The following MAGI2 variants were observed in gnomAD, a reference collection of about 807,000 sequenced individuals.
MAGI2 encodes membrane-associated guanylate kinase, WW and PDZ domain-containing protein 2.
Under a neutral mutation model 133.3 loss-of-function variants are expected in MAGI2, and 35 were observed. That is an observed-to-expected ratio of 0.26 (90% CI 0.20 to 0.35). The LOEUF (loss-of-function observed/expected upper bound fraction) is 0.35, where lower values mean the gene tolerates loss of function less well. MAGI2 is among the 10% of genes least tolerant of loss of function. The pLI is 1.00. For synonymous variants in MAGI2, 729 were observed against 710.6 expected, an observed-to-expected ratio of 1.03 and a Z score of -0.41; for missense variants, 1,636 against 1,863.4, an observed-to-expected ratio of 0.88 and a Z score of 2.25.
chr7:79,121,034 C>T (rs1019138311), intron 1 of MAGI2, among the ~76,000 whole-genome samples: 17 of 152,084 alleles, frequency 1.1e-4, no homozygotes, highest in Non-Finnish European at 7.4e-5. Context: ...ACCTCCTAAT[C>T]AGAGTAAATA....
chr7:78,653,591 A>C (rs1811808788), intron 2 of MAGI2, among the ~76,000 whole-genome samples: 1 of 152,056 alleles, frequency 6.6e-6, no homozygotes, highest in African/African-American at 2.4e-5. Flanking sequence ...TAATGAGAAC[A>C]CATGGACACA....
chr7:78,757,305 TTCTC>T (rs3086250), intron 2 of MAGI2, among the ~76,000 whole-genome samples: 29 of 145,386 alleles, frequency 2.0e-4, no homozygotes, highest in African/African-American at 5.1e-4. Flanking sequence ...TTCTCCCTCC[TTCTC>T]TCTCTCTCTC....
chr7:79,308,551 G>T (rs918814398), intron 1 of MAGI2, among the ~76,000 whole-genome samples: 1 of 152,146 alleles, frequency 6.6e-6, no homozygotes, highest in East Asian at 1.9e-4. Flanking sequence ...CTGGCAGAAA[G>T]GTATTCATGT....
chr7:78,315,750 T>C (rs1787347654), intron 9 of MAGI2, among the ~76,000 whole-genome samples: 1 of 152,232 alleles, frequency 6.6e-6, no homozygotes, highest in Admixed American at 6.5e-5. Context: ...ACTGTTCCAT[T>C]TCAACCTCGT....
At chr7:78,557,014 C>T (rs978612468) in intron 3 of MAGI2, among the ~76,000 whole-genome samples, 58 of 138,978 alleles carry the variant, frequency 4.2e-4, no homozygotes, top group African/African-American at 1.4e-3. Context: ...TGGTGTTAAT[C>T]GGGCAGATGG....
chr7:78,356,172 A>G (rs1792058191), intron 7 of MAGI2, among the ~76,000 whole-genome samples: 1 of 152,202 alleles, frequency 6.6e-6, no homozygotes, highest in South Asian at 2.1e-4. Flanking sequence ...GATAATGATA[A>G]TAAGGTGATT....
intron 20 of MAGI2, among the ~76,000 whole-genome samples, chr7:78,103,911 T>A (rs1818421631): frequency 6.6e-6 from 1 of 152,208 alleles, no homozygotes; most frequent in Non-Finnish European, 1.5e-5. Context: ...TCCACTCGAA[T>A]TTTCATTTTA....
intron 1 of MAGI2, among the ~76,000 whole-genome samples, chr7:79,038,598 A>G (rs1811333367): frequency 6.6e-6 from 1 of 152,166 alleles, no homozygotes; most frequent in South Asian, 2.1e-4. Flanking sequence ...GCAATCATGC[A>G]CCATTTTCTC....
chr7:79,290,629 T>A (rs577464698), intron 1 of MAGI2, among the ~76,000 whole-genome samples: 22 of 152,038 alleles, frequency 1.4e-4, no homozygotes, highest in Non-Finnish European at 3.1e-4. Context: ...TGGCCTTCAT[T>A]TTTTCTAATA....
chr7:78,039,807 G>A (rs1288727351), intron 21 of MAGI2, among the ~76,000 whole-genome samples: 1 of 152,198 alleles, frequency 6.6e-6, no homozygotes, highest in Non-Finnish European at 1.5e-5. Flanking sequence ...TTATGCTAGA[G>A]GAATTCAAAG....
At chr7:78,129,345 AGT>A (rs1205168524) in intron 18 of MAGI2, among the ~76,000 whole-genome samples, 1 of 152,078 alleles carries the variant, frequency 6.6e-6, no homozygotes, top group Non-Finnish European at 1.5e-5. Context: ...ATTTTTTATG[AGT>A]GTTGCTAACT....
At chr7:78,102,676 C>G (rs542648356) in intron 20 of MAGI2, among the ~76,000 whole-genome samples, 2 of 152,274 alleles carry the variant, frequency 1.3e-5, no homozygotes, top group South Asian at 4.1e-4. Flanking sequence ...TTAGGCTCAC[C>G]AAAAGGGCTA....
chr7:79,374,639 A>G (rs1327556946), intron 1 of MAGI2, among the ~76,000 whole-genome samples: 2 of 152,044 alleles, frequency 1.3e-5, no homozygotes, highest in East Asian at 1.9e-4. Flanking sequence ...TATAATGGCA[A>G]CTTATGGGAA....
At chr7:79,169,190 G>A (rs1460889909) in intron 1 of MAGI2, among the ~76,000 whole-genome samples, 2 of 151,864 alleles carry the variant, frequency 1.3e-5, no homozygotes, top group Non-Finnish European at 2.9e-5. Context: ...CTCCATAAAT[G>A]TTGGTATTCC....
At chr7:79,023,560 T>C (rs552124793) in intron 1 of MAGI2, among the ~76,000 whole-genome samples, 16 of 152,250 alleles carry the variant, frequency 1.1e-4, no homozygotes, top group South Asian at 2.1e-4. Flanking sequence ...TGTTTGTTGA[T>C]GATGTGATTC....
At chr7:79,167,705 T>G (rs1825084510) in intron 1 of MAGI2, among the ~76,000 whole-genome samples, 2 of 150,708 alleles carry the variant, frequency 1.3e-5, no homozygotes, top group South Asian at 4.1e-4. Flanking sequence ...GTGACACTTT[T>G]TTTTTAGGAA....
intron 2 of MAGI2, among the ~76,000 whole-genome samples, chr7:78,841,750 A>G (rs1792162148): frequency 6.6e-6 from 1 of 152,042 alleles, no homozygotes; most frequent in South Asian, 2.1e-4. Context: ...CCAGGTTTAA[A>G]TGGTTATCCG....
intron 2 of MAGI2, among the ~76,000 whole-genome samples, chr7:78,693,221 T>C (rs1817153099): frequency 6.6e-6 from 1 of 152,302 alleles, no homozygotes; most frequent in African/African-American, 2.4e-5. Context: ...TGGAGAAAAA[T>C]GCCTGTCACA....
At chr7:78,642,893 T>A (rs1209175027) in intron 2 of MAGI2, among the ~76,000 whole-genome samples, 1 of 152,130 alleles carries the variant, frequency 6.6e-6, no homozygotes, top group African/African-American at 2.4e-5. Context: ...TCCACCAACA[T>A]CCACAAAATG....
Sources: allele counts gnomAD v4.1 joint callset (sites outside exome capture counted in the v4.1 genomes callset), GRCh38; gene constraint gnomAD v4.1.1; transcripts MANE v1.5; gene names NCBI Gene and HGNC (gene_info 2026-07-23, HGNC 2026-07-21).